Variants in SEL1L3 observed in about 807,000 individuals in gnomAD.
SEL1L3 encodes SEL1L family member 3.
A neutral mutation model predicts 142.8 loss-of-function variants in SEL1L3; 76 were observed. The observed-to-expected ratio is 0.53, with a 90% CI of 0.44 to 0.64. SEL1L3 has a LOEUF of 0.64. Among genes scored for constraint, SEL1L3 ranks in the 30% least tolerant of loss-of-function variants. The pLI is 0.00. For synonymous variants in SEL1L3, 504 were observed against 519.6 expected (o/e 0.97, Z 0.41); for missense variants, 1,262 against 1,381.7 (o/e 0.91, Z 1.37).
chr4:25,751,926 T>C (rs1027802659), intron 23 of SEL1L3, among the ~76,000 whole-genome samples: 2 of 151,442 alleles, frequency 1.3e-5, no homozygotes, highest in African/African-American at 2.4e-5. Context: ...CTAACCAACA[T>C]GGTGAAACCC....
Position 25,804,563 on chromosome 4 carries a change from T to C in SEL1L3, c.1754A>G (p.Asn585Ser). The C allele has an allele frequency of 6.2e-7, 1 of 1,612,486 alleles. No homozygotes were observed. Among genetic ancestry groups the C allele is most frequent in the Non-Finnish European group, 8.5e-7 (1 of 1,179,078 alleles). The change falls in exon 10 of 24, where the codon AAT becomes AGT. Residue 585 changes from asparagine (N) to serine (S), a missense_variant. Asn to Ser is a conservative substitution (Grantham distance 46). Around this residue, in one of 3 missense-constraint regions of SEL1L3, gnomAD observed 435 missense variants for 559.2 expected, o/e 0.78. Transcript: ENST00000399878. The part of the protein sequence containing the change: ...YLAVFYETGL[N>S]VPRDQLQGML... ...TACCTGCAGCTGATCCCGAGGAACA[T>C]TTAATCCAGTCTCATAAAAGACTGC...
At chr4:25,714,943 C>A in the SEL1L3 span, among the ~76,000 whole-genome samples, 1 of 151,968 alleles carries the variant, frequency 6.6e-6, no homozygotes, top group Non-Finnish European at 1.5e-5. Context: ...CAGGAAAAAA[C>A]CTAACAAAAG....
intron 6 of SEL1L3, among the ~76,000 whole-genome samples, chr4:25,824,102 G>A (rs556620185): frequency 5.9e-5 from 9 of 152,218 alleles, no homozygotes; most frequent in Admixed American, 3.9e-4. Context: ...CTGTGAAGAT[G>A]ATGGTCTCTC....
At chr4:25,799,276 T>C (rs549492587) in intron 11 of SEL1L3, among the ~76,000 whole-genome samples, 2 of 152,236 alleles carry the variant, frequency 1.3e-5, no homozygotes, top group South Asian at 4.2e-4. Flanking sequence ...GGTCTCACTA[T>C]GTTGCCCAGA....
At chr4:25,806,196 G>T (rs1425655812) in intron 9 of SEL1L3, among the ~76,000 whole-genome samples, 1 of 151,824 alleles carries the variant, frequency 6.6e-6, no homozygotes, top group East Asian at 1.9e-4. Context: ...CCGCCAGCAC[G>T]CCCGGCTAAT....
chr4:25,737,039 C>A, the SEL1L3 span, among the ~76,000 whole-genome samples: 107 of 150,510 alleles, frequency 7.1e-4, no homozygotes, highest in African/African-American at 2.4e-3. Flanking sequence ...GGCTGGAGTG[C>A]AATGGCACAG....
intron 9 of SEL1L3, among the ~76,000 whole-genome samples, chr4:25,807,683 G>A (rs1713685242): frequency 2.0e-5 from 3 of 152,112 alleles, no homozygotes; most frequent in South Asian, 4.1e-4. Context: ...AGAGGAGGAA[G>A]AGACTCCAAA....
At chr4:25,791,911 T>TC in intron 11 of SEL1L3, among the ~76,000 whole-genome samples, 1 of 134,504 alleles carries the variant, frequency 7.4e-6, no homozygotes, top group Non-Finnish European at 1.6e-5. Flanking sequence ...AGACTCAGTC[T>TC]AAAAAAAAAA....
intron 1 of SEL1L3, among the ~76,000 whole-genome samples, chr4:25,851,839 A>G (rs985810302): frequency 4.7e-5 from 7 of 147,686 alleles, no homozygotes; most frequent in African/African-American, 1.8e-4. Flanking sequence ...CAGTGAGCCG[A>G]TATCGTGCCA....
At chr4:25,801,758 G>A (rs1442374049) in intron 11 of SEL1L3, among the ~76,000 whole-genome samples, 2 of 152,196 alleles carry the variant, frequency 1.3e-5, no homozygotes, top group East Asian at 1.9e-4. Context: ...GAGCACTGGT[G>A]TAGCAAGGCT....
intron 6 of SEL1L3, among the ~76,000 whole-genome samples, chr4:25,825,147 GT>G (rs1715009249): frequency 6.6e-6 from 1 of 152,134 alleles, no homozygotes; most frequent in Admixed American, 6.5e-5. Context: ...CATTAACTGA[GT>G]TTTTCAACAA....
intron 6 of SEL1L3, among the ~76,000 whole-genome samples, chr4:25,828,002 T>G (rs928107329): frequency 1.3e-5 from 2 of 152,232 alleles, no homozygotes; most frequent in African/African-American, 4.8e-5. Context: ...CTTGAACTTT[T>G]CAGAGAAGAT....
rs1257861433 is a variant in SEL1L3 at position 25,756,775 on chromosome 4, G to A, written c.3259+759C>T. On this transcript the variant is annotated intron_variant, in intron 23 of 23. Coordinates refer to ENST00000399878, the MANE Select transcript of SEL1L3 (RefSeq NM_015187.5). ...TCAGTCCCTCCCTCTGAGTCCGTGT[G>A]GCCGAGGATTTTTATTCATTACGAG... 6 of 1,175,434 alleles carry A rather than the reference G, an allele frequency of 5.1e-6. No individual in the cohort carries two copies. The South Asian group carries it at 1.0e-4, about 20-fold the overall frequency. 72.8% of individuals were successfully genotyped at this position (1,175,434 alleles called of 1,614,324 possible). A position where few individuals can be genotyped will look rare whatever the true frequency, so the allele number is the denominator to read the frequency against.
chr4:25,752,262 C>T (rs1035502062), intron 23 of SEL1L3, among the ~76,000 whole-genome samples: 1 of 151,254 alleles, frequency 6.6e-6, no homozygotes, highest in African/African-American at 2.4e-5. Flanking sequence ...ACTAAAAATA[C>T]AAAAATTAGC....
chr4:25,831,447 C>T (rs1715428129), intron 5 of SEL1L3, among the ~76,000 whole-genome samples: 1 of 150,390 alleles, frequency 6.6e-6, no homozygotes, highest in East Asian at 1.9e-4. Flanking sequence ...ATGCTATCTC[C>T]CTTCTAGGAA....
At chr4:25,843,264 A>T (rs1415862617) in intron 2 of SEL1L3, among the ~76,000 whole-genome samples, 1 of 148,024 alleles carries the variant, frequency 6.8e-6, no homozygotes, top group Non-Finnish European at 1.5e-5. Flanking sequence ...ATCACCTTGC[A>T]CTGGCTGCTG....
chr4:25,847,964 A>G (rs967378607), intron 1 of SEL1L3, 100 bp from the exon 2 acceptor site: 11 of 769,474 alleles, frequency 1.4e-5, no homozygotes, highest in East Asian at 8.1e-5. Flanking sequence ...AAAAATATCA[A>G]TCTACATAAA....
At chr4:25,817,318 C>T (rs1433392480) in intron 9 of SEL1L3, among the ~76,000 whole-genome samples, 1 of 152,188 alleles carries the variant, frequency 6.6e-6, no homozygotes, top group Non-Finnish European at 1.5e-5. Context: ...CCCAGGACTA[C>T]GTGGAGTTGC....
At chr4:25,784,938 T>A (rs1165465439) in intron 13 of SEL1L3, among the ~76,000 whole-genome samples, 1 of 152,234 alleles carries the variant, frequency 6.6e-6, no homozygotes, top group African/African-American at 2.4e-5. Flanking sequence ...TGGAACACAC[T>A]GAAATGTCTG....
Sources: gnomAD v4.1 joint callset for allele counts (sites outside exome capture counted in the v4.1 genomes callset) on GRCh38, gnomAD v4.1.1 for gene constraint, gnomAD v4.1.1 regional missense constraint, MANE v1.5 for transcripts, NCBI Gene and HGNC (gene_info 2026-07-23, HGNC 2026-07-21) for gene names.